The following NCOA2 variants were observed in gnomAD, a reference collection of about 807,000 sequenced individuals.
NCOA2 encodes the protein nuclear receptor coactivator 2.
In NCOA2, 21 loss-of-function variants were observed where a neutral mutation model predicts 145.1. The ratio of observed to expected loss-of-function variants is 0.14; its 90% CI spans 0.10 to 0.21. NCOA2 has a LOEUF of 0.21. NCOA2 is among the 10% of genes least tolerant of loss of function. The probability of loss-of-function intolerance (pLI) is 1.00; values close to 1 mark genes in which losing one functional copy is unlikely to be tolerated. For synonymous variants in NCOA2, 619 were observed against 637.5 expected (o/e 0.97, Z 0.44); for missense variants, 1,472 against 1,837.6 (o/e 0.80, Z 3.64).
At chr8:70,456,277 T>C in the NCOA2 span, among the ~76,000 whole-genome samples, 1 of 152,084 alleles carries the variant, frequency 6.6e-6, no homozygotes, top group African/African-American at 2.4e-5. Context: ...AGAAAAAGAA[T>C]AAGGGCTAAA....
At chr8:70,148,038 G>C (rs1292772213) in intron 12 of NCOA2, among the ~76,000 whole-genome samples, 1 of 152,116 alleles carries the variant, frequency 6.6e-6, no homozygotes, top group Admixed American at 6.5e-5. Flanking sequence ...CATCAATGTA[G>C]GTCAGTCTCC....
chr8:70,121,301 C>A lies in NCOA2; in HGVS notation c.4383+1G>T. 1 of 1,611,136 alleles carries A rather than the reference C, an allele frequency of 6.2e-7. No individual in the cohort carries two copies. The highest frequency in any genetic ancestry group is 8.5e-7 in the Non-Finnish European group (1 of 1,178,276). ...TCATATATTTCACTGTTCTTTCTTA[C>A]CCGTGTTGTGTCTCCCTCCTGCTTA... On this transcript the variant is annotated splice_donor_variant, in intron 22 of 22. Coordinates refer to ENST00000452400, the MANE Select transcript of NCOA2 (RefSeq NM_006540.4). LOFTEE classifies it high-confidence loss of function.
chr8:70,123,233 G>GT (rs1223664179), intron 21 of NCOA2, among the ~76,000 whole-genome samples: 1 of 152,188 alleles, frequency 6.6e-6, no homozygotes, highest in Non-Finnish European at 1.5e-5. Context: ...AAAAAGAATA[G>GT]TTTTTGGATT....
chr8:70,240,890 G>A (rs1822066248), intron 2 of NCOA2, among the ~76,000 whole-genome samples: 1 of 152,202 alleles, frequency 6.6e-6, no homozygotes. Flanking sequence ...TAACTCCTGT[G>A]AAATCAGGAG....
At chr8:70,443,559 TG>T in the NCOA2 span, among the ~76,000 whole-genome samples, 5 of 152,140 alleles carry the variant, frequency 3.3e-5, no homozygotes, top group African/African-American at 9.7e-5. Context: ...TTTTTCTATC[TG>T]TCTGTAAAAT....
chr8:70,114,739 C>T (rs1472510543), intron 22 of NCOA2, among the ~76,000 whole-genome samples: 2 of 152,178 alleles, frequency 1.3e-5, no homozygotes, highest in African/African-American at 4.8e-5. Context: ...GATATTTAGA[C>T]ACAGAATTCT....
At chr8:70,187,597 C>T (rs189939818) in intron 4 of NCOA2, among the ~76,000 whole-genome samples, 10 of 152,108 alleles carry the variant, frequency 6.6e-5, no homozygotes, top group African/African-American at 1.2e-4. Flanking sequence ...AAGTCAAAAA[C>T]GAAAAACTCT....
chr8:70,176,647 T>G (rs6998879), intron 4 of NCOA2, among the ~76,000 whole-genome samples: 1 of 152,142 alleles, frequency 6.6e-6, no homozygotes, highest in African/African-American at 2.4e-5. Context: ...TGGGGCATAC[T>G]TTTTAATTTT....
chr8:70,307,219 G>GT (rs1827959820), intron 1 of NCOA2, among the ~76,000 whole-genome samples: 1 of 18,836 alleles, frequency 5.3e-5, no homozygotes, highest in East Asian at 2.4e-3. Flanking sequence ...ACCTACATAA[G>GT]CAAAAAAAAA....
At chr8:70,284,431 G>C (rs1305858982) in intron 2 of NCOA2, among the ~76,000 whole-genome samples, 1 of 152,164 alleles carries the variant, frequency 6.6e-6, no homozygotes, top group African/African-American at 2.4e-5. Flanking sequence ...AGAGAGCAAT[G>C]TCCTAGAAAA....
chr8:70,138,032 A>G, intron 15 of NCOA2, 171 bp downstream of exon 15: 1 of 497,904 alleles, frequency 2.0e-6, no homozygotes, highest in African/African-American at 2.0e-5. Context: ...CTTTAAAGGT[A>G]TGTCCTAGGT....
At position 70,156,413 on chromosome 8, in the gene NCOA2, T is replaced by G. The variant is rs1379375636; in HGVS notation, c.1952A>C (p.Gln651Pro). ...GCTGGCTAAGGGCGAGGGCTCCATC[T>G]GATCAGATTTGGTGGTCAGCAGCTG... ...LLQLLTTKSD[Q>P]MEPSPLASSL... is the part of the protein sequence containing the mutation. The change falls in exon 11 of 23, where the codon CAG becomes CCG. Residue 651 changes from glutamine to proline, a missense_variant. Coordinates refer to ENST00000452400, the MANE Select transcript of NCOA2 (RefSeq NM_006540.4). 2.5e-6 allele frequency: 4 copies of G among 1,613,888 alleles called. No homozygotes were observed. The highest frequency in any genetic ancestry group is 3.4e-6 in the Non-Finnish European group (4 of 1,179,910).
At chr8:70,452,916 ATCT>A in the NCOA2 span, among the ~76,000 whole-genome samples, 1 of 152,198 alleles carries the variant, frequency 6.6e-6, no homozygotes, top group Non-Finnish European at 1.5e-5. Flanking sequence ...TAGGATAAAA[ATCT>A]TCTTTCAAGA....
intron 4 of NCOA2, among the ~76,000 whole-genome samples, chr8:70,209,703 G>T: frequency 6.6e-6 from 1 of 152,054 alleles, no homozygotes; most frequent in Non-Finnish European, 1.5e-5. Flanking sequence ...CTAGCATTAA[G>T]GTATTTTTAA....
chr8:70,421,513 G>A, the NCOA2 span, among the ~76,000 whole-genome samples: 5 of 152,080 alleles, frequency 3.3e-5, no homozygotes, highest in South Asian at 2.1e-4. Context: ...AGCTATGATC[G>A]CACCACTACA....
chr8:70,128,962 C>G lies in NCOA2; in HGVS notation c.3343G>C (p.Glu1115Gln). 6.2e-7 allele frequency: 1 copy of G among 1,603,954 alleles called. No homozygotes were observed. Among genetic ancestry groups the G allele is most frequent in the African/African-American group, 1.3e-5 (1 of 74,904 alleles). ...LVSQSQAVDP[E>Q]QFSSQDSNIM... Reference sequence around the variant, plus strand: ...TTGGAATCCTGACTTGAGAACTGTTCTGGATCTACTGCTTGGCTCTGGAGA... The same window carrying G: ...TTGGAATCCTGACTTGAGAACTGTTGTGGATCTACTGCTTGGCTCTGGAGA... Residue 1115 changes from glutamate to glutamine, a missense_variant, in exon 17 of 23, where the codon GAA becomes CAA. By Grantham distance (29) the Glu-to-Gln change is conservative. This residue lies in a region of NCOA2 where 953 missense variants were observed against 1,062.1 expected (regional missense o/e 0.90). Coordinates refer to ENST00000452400, the MANE Select transcript of NCOA2 (RefSeq NM_006540.4).
chr8:70,156,091 A>G lies in NCOA2; in HGVS notation c.2274T>C (p.Gly758=). The G allele has an allele frequency of 6.2e-7, 1 of 1,613,948 alleles. No homozygotes were observed. The highest frequency in any genetic ancestry group is 8.5e-7 in the Non-Finnish European group (1 of 1,179,874). ...LLDKDDTKDI[G]LPEITPKLER... ...CAAGTTTGGGGGTTATTTCTGGTAAACCAATATCTTTAGTATCATCTTTAT... is the reference window on the plus strand; with the variant it reads ...CAAGTTTGGGGGTTATTTCTGGTAAGCCAATATCTTTAGTATCATCTTTAT... Residue 758 remains glycine, a synonymous_variant, in exon 11 of 23, where the codon GGT becomes GGC. Transcript: ENST00000452400.
chr8:70,260,847 A>C (rs1306055848), intron 2 of NCOA2, among the ~76,000 whole-genome samples: 2 of 152,336 alleles, frequency 1.3e-5, no homozygotes, highest in East Asian at 3.9e-4. Flanking sequence ...AAACACATGA[A>C]AAAATGCTCA....
In NCOA2 at chr8:70,395,645, GCTA is replaced by G. The variant is rs529590940; in HGVS notation, c.-77+8052_-77+8054del. ...GTTAATATTAAATATTCTGACAAATGCTACTACAATACCAAAGACAAGGGAAAT... is the reference window on the plus strand; with the variant it reads ...GTTAATATTAAATATTCTGACAAATGCTACAATACCAAAGACAAGGGAAAT... On this transcript the variant is annotated intron_variant, in intron 1 of 22. Transcript: ENST00000452400. 7.1e-4 allele frequency among the ~76,000 whole-genome samples: 108 copies of G among 152,272 alleles called. 2 individuals carry two copies. In the South Asian group the frequency reaches 0.022, roughly 31 times the overall value.
Sources: allele counts gnomAD v4.1 joint callset (sites outside exome capture counted in the v4.1 genomes callset), GRCh38; gene constraint gnomAD v4.1.1; regional missense constraint gnomAD v4.1.1; transcripts MANE v1.5; gene names NCBI Gene and HGNC (gene_info 2026-07-23, HGNC 2026-07-21).